LTBP2: variants seen among roughly 807,000 people sequenced by gnomAD.
The protein encoded by LTBP2 is latent transforming growth factor beta binding protein 2.
Under a neutral mutation model 210.6 loss-of-function variants are expected in LTBP2, and 103 were observed. The ratio of observed to expected loss-of-function variants is 0.49; its 90% CI spans 0.42 to 0.58. LTBP2 has a LOEUF of 0.58. LTBP2 is among the 20% of genes least tolerant of loss of function. The probability of loss-of-function intolerance (pLI) is 0.00; values close to 1 mark genes in which losing one functional copy is unlikely to be tolerated. For synonymous variants in LTBP2, 1,007 were observed against 1,015.0 expected, an observed-to-expected ratio of 0.99 and a Z score of 0.15; for missense variants, 2,313 against 2,494.5, an observed-to-expected ratio of 0.93 and a Z score of 1.55.
intron 3 of LTBP2, among the ~76,000 whole-genome samples, chr14:74,571,283 G>A (rs925441204): frequency 3.9e-5 from 6 of 152,272 alleles, no homozygotes; most frequent in Admixed American, 3.3e-4. Context: ...GCAGTGAGCC[G>A]AGGTCATGCC....
chr14:74,577,424 C>T (rs190507376), intron 3 of LTBP2, among the ~76,000 whole-genome samples: 12 of 151,844 alleles, frequency 7.9e-5, no homozygotes, highest in African/African-American at 2.2e-4. Context: ...ACCTTGGAAA[C>T]AGGCAAAGGG....
intron 3 of LTBP2, among the ~76,000 whole-genome samples, chr14:74,568,628 T>C (rs1457855418): frequency 1.3e-5 from 2 of 152,182 alleles, no homozygotes; most frequent in Non-Finnish European, 2.9e-5. Flanking sequence ...GCACTTTACA[T>C]ATATTAATTC....
At position 74,502,750 on chromosome 14, in the gene LTBP2, G is replaced by C. The variant is rs1402472813; in HGVS notation, c.5073C>G (p.Phe1691Leu). ...CCGCTGAGTGACCGGCTGTGTTGGG[G>C]AAGGCAGGCTCAGGGACGGTGTCCT... ...GPEDTVPEPA[F>L]PNTAGHSADR... is the part of the protein sequence containing the mutation. The change falls in exon 34 of 36, where the codon TTC (phenylalanine) becomes TTG (leucine). Residue 1691 changes from phenylalanine (F) to leucine (L), a missense_variant. Phe to Leu is a conservative substitution (Grantham distance 22, BLOSUM62 0). Around this residue, in one of 3 missense-constraint regions of LTBP2, gnomAD observed 443 missense variants for 501.4 expected, o/e 0.88. Coordinates refer to ENST00000261978, the MANE Select transcript of LTBP2 (RefSeq NM_000428.3). 4 of 1,614,204 alleles carry C rather than the reference G, an allele frequency of 2.5e-6. No individual in the cohort carries two copies. In the South Asian group the frequency reaches 3.3e-5, roughly 13 times the overall value.
intron 35 of LTBP2, 111 bp from the exon 36 acceptor site, chr14:74,501,140 G>A: frequency 7.5e-7 from 1 of 1,337,656 alleles, no homozygotes. Flanking sequence ...AACCCTAAGT[G>A]TGACAGCCAG....
intron 30 of LTBP2, 64 bp downstream of exon 30, chr14:74,504,714 G>C: frequency 6.6e-7 from 1 of 1,516,762 alleles, no homozygotes. Flanking sequence ...CAGGGACCCT[G>C]TGGAGGAGCA....
chr14:74,519,651 G>C (rs2087177287), intron 17 of LTBP2, among the ~76,000 whole-genome samples: 2 of 152,052 alleles, frequency 1.3e-5, no homozygotes, highest in South Asian at 4.2e-4. Context: ...TCTTCCAGTG[G>C]TACCCAAGCC....
rs963440898 is a variant in LTBP2, at chr14:74,529,647, G to A, written c.1988-525C>T. 4.6e-5 allele frequency among the ~76,000 whole-genome samples: 7 copies of A among 152,186 alleles called. 1 individual carries two copies. Among genetic ancestry groups the A allele is most frequent in the Non-Finnish European group, 1.5e-5 (1 of 68,040 alleles). ...TTAGTAATGCTTGTTGAAGCTATGC[G>A]TGGATGGCTAGGTCAATGAACCAAT... On this transcript the variant is annotated intron_variant, in intron 10 of 35. Coordinates refer to ENST00000261978, the MANE Select transcript of LTBP2 (RefSeq NM_000428.3).
chr14:74,577,960 T>C (rs2139779293), intron 3 of LTBP2, among the ~76,000 whole-genome samples: 1 of 151,814 alleles, frequency 6.6e-6, no homozygotes, highest in South Asian at 2.1e-4. Flanking sequence ...CAATCTTGGG[T>C]CCAAGGGACT....
At chr14:74,562,674 C>T (rs1175273395) in intron 3 of LTBP2, among the ~76,000 whole-genome samples, 1 of 152,146 alleles carries the variant, frequency 6.6e-6, no homozygotes, top group South Asian at 2.1e-4. Context: ...CTTAACCTTT[C>T]TCCTTGTAAG....
At chr14:74,526,239 C>G in intron 13 of LTBP2, 125 bp from the exon 14 acceptor site, 1 of 947,586 alleles carries the variant, frequency 1.1e-6, no homozygotes, top group Non-Finnish European at 1.7e-6. Context: ...TTCATTCATT[C>G]CAGGTATTGA....
intron 18 of LTBP2, among the ~76,000 whole-genome samples, chr14:74,514,334 C>T (rs1398307660): frequency 1.3e-5 from 2 of 152,208 alleles, no homozygotes; most frequent in Non-Finnish European, 2.9e-5. Context: ...CAAATGTTTG[C>T]TAACCAAAGA....
rs992186972 is a variant in LTBP2 at position 74,612,223 on chromosome 14, C to A, written c.-279G>T. On this transcript the variant is annotated 5_prime_UTR_variant, in exon 1 of 36. Transcript: ENST00000261978. ...TGCAGCCGTCTGAAGGGGACCCGGA[C>A]GGTTTTATTTTTGGAAACCTCCCCC... is the stretch of plus-strand genomic sequence containing the variant. 3 of 438,190 alleles carry A rather than the reference C, an allele frequency of 6.8e-6. No individual in the cohort carries two copies. Among genetic ancestry groups the A allele is most frequent in the Non-Finnish European group, 1.2e-5 (3 of 249,648 alleles). The allele number at this position is 438,190 out of a possible 1,614,324, so 27.1% of individuals were successfully genotyped here.
At chr14:74,530,808 C>A (rs1311899160) in intron 10 of LTBP2, among the ~76,000 whole-genome samples, 1 of 152,246 alleles carries the variant, frequency 6.6e-6, no homozygotes, top group East Asian at 1.9e-4. Context: ...AGGCACGGGG[C>A]CCAGCCCCAG....
chr14:74,511,465 G>C lies in LTBP2; in HGVS notation c.2909-101C>G, dbSNP rs551032496. Reference sequence around the variant, plus strand: ...TTGTCCCTGCCTTTGGTTGGGGAGAGGGATGGACAGAGGGAAACTAGGAAA... The same window carrying C: ...TTGTCCCTGCCTTTGGTTGGGGAGACGGATGGACAGAGGGAAACTAGGAAA... On this transcript the variant is annotated intron_variant, in intron 18 of 35. Coordinates refer to ENST00000261978, the MANE Select transcript of LTBP2 (RefSeq NM_000428.3). 2.9e-4 allele frequency: 426 copies of C among 1,457,434 alleles called. 1 individual carries two copies. The highest frequency in any genetic ancestry group is 2.3e-5 in the Non-Finnish European group (24 of 1,040,336). 90.3% of individuals were successfully genotyped at this position (1,457,434 alleles called of 1,614,324 possible). A position where few individuals can be genotyped will look rare whatever the true frequency, so the allele number is the denominator to read the frequency against.
At chr14:74,549,794 C>G in intron 8 of LTBP2, 69 bp downstream of exon 8, 1 of 1,342,532 alleles carries the variant, frequency 7.4e-7, no homozygotes, top group African/African-American at 1.4e-5. Flanking sequence ...GAGGGGAAAC[C>G]CTGGCAGGAG....
In LTBP2 at chr14:74,499,085, T is replaced by C. The variant is rs2086882446; in HGVS notation, c.*1799A>G. Reference sequence around the variant, plus strand: ...GACATTGCCATATTGTCCTCTTCAATATGTACTTCTGTCAGCTGTTATGAG... The same window carrying C: ...GACATTGCCATATTGTCCTCTTCAACATGTACTTCTGTCAGCTGTTATGAG... On this transcript the variant is annotated 3_prime_UTR_variant, in exon 36 of 36. Coordinates refer to ENST00000261978, the MANE Select transcript of LTBP2 (RefSeq NM_000428.3). The C allele has an allele frequency of 4.6e-6, 1 of 218,164 alleles. No individual in the cohort carries two copies. 13.5% of individuals were successfully genotyped at this position (218,164 alleles called of 1,614,324 possible). A position where few individuals can be genotyped will look rare whatever the true frequency, so the allele number is the denominator to read the frequency against.
intron 3 of LTBP2, among the ~76,000 whole-genome samples, chr14:74,563,736 G>T (rs1445935527): frequency 6.6e-6 from 1 of 152,016 alleles, no homozygotes; most frequent in East Asian, 1.9e-4. Context: ...ATCTGTGACT[G>T]GTTTTGCTCT....
At chr14:74,552,086 C>T in intron 6 of LTBP2, 101 bp downstream of exon 6, 1 of 1,128,252 alleles carries the variant, frequency 8.9e-7, no homozygotes, top group South Asian at 1.3e-5. Context: ...AAAGGAAGGA[C>T]TACAGGCAGC....
intron 8 of LTBP2, among the ~76,000 whole-genome samples, chr14:74,546,528 T>G (rs139372340): frequency 3.9e-5 from 6 of 152,336 alleles, no homozygotes; most frequent in African/African-American, 1.4e-4. Context: ...CTTTGTTATT[T>G]CTTGCTCAGT....
Sources: allele counts gnomAD v4.1 joint callset (sites outside exome capture counted in the v4.1 genomes callset), GRCh38; gene constraint gnomAD v4.1.1; regional missense constraint gnomAD v4.1.1; transcripts MANE v1.5; gene names NCBI Gene and HGNC (gene_info 2026-07-23, HGNC 2026-07-21).